Variants in PMFBP1 observed in about 807,000 individuals in gnomAD.
PMFBP1 encodes the protein polyamine modulated factor 1 binding protein 1, also known as polyamine-modulated factor 1-binding protein 1.
In PMFBP1, 131 loss-of-function variants were observed where a neutral mutation model predicts 137.8. The observed-to-expected ratio is 0.95, with a 90% CI of 0.82 to 1.10. PMFBP1 has a LOEUF of 1.10. Ranked by LOEUF, PMFBP1 falls within the 50% of genes least tolerant of loss-of-function variation. The pLI is 0.00. For missense variants in PMFBP1, 1,199 were observed against 1,175.4 expected, an observed-to-expected ratio of 1.02 and a Z score of -0.29; for synonymous variants, 490 against 450.4, an observed-to-expected ratio of 1.09 and a Z score of -1.11.
At position 72,140,472 on chromosome 16, in the gene PMFBP1, G is replaced by T; in HGVS notation, c.747C>A (p.Val249=). The change falls in exon 6 of 21, where the codon GTC becomes GTA. Residue 249 remains valine, a synonymous_variant. Coordinates refer to ENST00000237353, the MANE Select transcript of PMFBP1 (RefSeq NM_031293.3). ...CTTGAATGAGATCATCCTGTTGAGA[G>T]ACCTTTTGCCAGACTTCAGACAGTC... ...QKRLSEVWQK[V]SQQDDLIQEL... The T allele has an allele frequency of 1.2e-6, 2 of 1,614,038 alleles. No homozygotes were observed. Among genetic ancestry groups the T allele is most frequent in the Non-Finnish European group, 8.5e-7 (1 of 1,179,904 alleles).
At chr16:72,209,134 T>C in the PMFBP1 span, among the ~76,000 whole-genome samples, 1 of 152,310 alleles carries the variant, frequency 6.6e-6, no homozygotes, top group South Asian at 2.1e-4. Flanking sequence ...ACCCCATATC[T>C]TCCATCACTT....
At chr16:72,171,753 TTAC>T (rs2043223343) in intron 1 of PMFBP1, 1 of 152,578 alleles carries the variant, frequency 6.6e-6, no homozygotes, top group Admixed American at 6.5e-5. Flanking sequence ...AGAGGCTCTC[TTAC>T]TACTCTATGA....
downstream of PMFBP1, chr16:72,119,071 A>G (rs568992312): frequency 2.5e-6 from 1 of 403,488 alleles, no homozygotes; most frequent in Non-Finnish European, 4.4e-6. Context: ...AATGTCTGCT[A>G]GACGCCAACA....
the PMFBP1 span, among the ~76,000 whole-genome samples, chr16:72,195,100 A>C: frequency 6.6e-6 from 1 of 152,188 alleles, no homozygotes; most frequent in Non-Finnish European, 1.5e-5. Flanking sequence ...AACTTGCCCC[A>C]GGGAGTGCAC....
chr16:72,126,562 T>G (rs2042462381), intron 14 of PMFBP1, among the ~76,000 whole-genome samples: 1 of 152,272 alleles, frequency 6.6e-6, no homozygotes, highest in Non-Finnish European at 1.5e-5. Context: ...AAAGCAGGAC[T>G]GTGCCTGTGT....
chr16:72,182,168 T>C, the PMFBP1 span, among the ~76,000 whole-genome samples: 1 of 152,184 alleles, frequency 6.6e-6, no homozygotes, highest in Non-Finnish European at 1.5e-5. Flanking sequence ...GTCACCGGCA[T>C]ATCTCACAGG....
the PMFBP1 span, among the ~76,000 whole-genome samples, chr16:72,239,991 G>C: frequency 1.3e-5 from 2 of 150,956 alleles, no homozygotes; most frequent in Non-Finnish European, 2.9e-5. Context: ...AGATATACTC[G>C]AGGGTTTAGG....
chr16:72,144,710 C>T (rs965902698), intron 5 of PMFBP1, among the ~76,000 whole-genome samples: 1 of 152,092 alleles, frequency 6.6e-6, no homozygotes, highest in African/African-American at 2.4e-5. Context: ...GTAGTGAAGG[C>T]CTTTCTAAGC....
At chr16:72,216,716 G>A in the PMFBP1 span, among the ~76,000 whole-genome samples, 1 of 152,208 alleles carries the variant, frequency 6.6e-6, no homozygotes, top group African/African-American at 2.4e-5. Context: ...AAAACTTACT[G>A]CTTCCAGCAG....
intron 5 of PMFBP1, among the ~76,000 whole-genome samples, chr16:72,149,339 A>G (rs2042863517): frequency 6.6e-6 from 1 of 152,210 alleles, no homozygotes; most frequent in African/African-American, 2.4e-5. Context: ...TTTTTGGTAT[A>G]TAATTTAGAA....
At chr16:72,128,507 G>C in intron 14 of PMFBP1, 150 bp downstream of exon 14, 4 of 1,554,592 alleles carry the variant, frequency 2.6e-6, no homozygotes, top group Non-Finnish European at 3.5e-6. Context: ...GGTGCCAATG[G>C]GGAGGGAAGT....
At chr16:72,161,110 T>G (rs1244700604) in intron 3 of PMFBP1, among the ~76,000 whole-genome samples, 3 of 150,244 alleles carry the variant, frequency 2.0e-5, no homozygotes, top group African/African-American at 7.3e-5. Flanking sequence ...TTTTTTTTTT[T>G]TTTTTGAGAT....
intron 19 of PMFBP1, 134 bp from the exon 20 acceptor site, chr16:72,120,223 C>T (rs1048951075): frequency 2.1e-6 from 3 of 1,418,606 alleles, no homozygotes; most frequent in Non-Finnish European, 2.9e-6. Flanking sequence ...CGGCCTGTTA[C>T]ACATGCTCTG....
the PMFBP1 span, among the ~76,000 whole-genome samples, chr16:72,241,235 C>T: frequency 6.6e-6 from 1 of 152,158 alleles, no homozygotes; most frequent in Non-Finnish European, 1.5e-5. Flanking sequence ...TGCTTTTATA[C>T]AGCAGGACAA....
intron 17 of PMFBP1, among the ~76,000 whole-genome samples, 165 bp downstream of exon 17, chr16:72,124,602 T>G (rs550567073): frequency 1.2e-3 from 179 of 152,328 alleles, no homozygotes; most frequent in Non-Finnish European, 1.2e-3. Context: ...CACAGGTGGG[T>G]TGAACCAGCA....
Position 72,130,562 on chromosome 16 carries a change from C to T in PMFBP1, c.1608G>A (p.Ser536=), listed in dbSNP as rs965114486. Residue 536 remains serine, a synonymous_variant, in exon 11 of 21, where the codon TCG becomes TCA. Coordinates refer to ENST00000237353, the MANE Select transcript of PMFBP1 (RefSeq NM_031293.3). ...TGGAGGTTTGTTCCTTCTCAGCCAT[C>T]GAGGACTCCTTCTGCAGCATCTGAA... is the stretch of plus-strand genomic sequence containing the variant. ...RELQMLQKES[S]MAEKEQTSNR... is the part of the protein sequence containing the mutation. The T allele has an allele frequency of 2.4e-5, 38 of 1,613,968 alleles. No individual in the cohort carries two copies. Among genetic ancestry groups the T allele is most frequent in the South Asian group, 9.9e-5 (9 of 91,074 alleles).
the PMFBP1 span, among the ~76,000 whole-genome samples, chr16:72,218,080 A>G: frequency 6.6e-6 from 1 of 152,334 alleles, no homozygotes; most frequent in East Asian, 1.9e-4. Flanking sequence ...CTCTAAGACT[A>G]CTAGATATTT....
intron 5 of PMFBP1, among the ~76,000 whole-genome samples, chr16:72,148,287 G>A (rs1043858897): frequency 6.8e-6 from 1 of 147,614 alleles, no homozygotes; most frequent in Non-Finnish European, 1.5e-5. Context: ...ACCAAACACC[G>A]CATGTTCTCA....
chr16:72,227,164 T>C, the PMFBP1 span, among the ~76,000 whole-genome samples: 1 of 152,180 alleles, frequency 6.6e-6, no homozygotes, highest in Non-Finnish European at 1.5e-5. Context: ...CCGCATTTAA[T>C]AGGAAAAGAA....
Sources: gnomAD v4.1 joint callset for allele counts (sites outside exome capture counted in the v4.1 genomes callset) on GRCh38, gnomAD v4.1.1 for gene constraint, MANE v1.5 for transcripts, NCBI Gene and HGNC (gene_info 2026-07-23, HGNC 2026-07-21) for gene names.